MAJIN: variants seen among roughly 807,000 people sequenced by gnomAD.
The protein encoded by MAJIN is membrane-anchored junction protein.
A neutral mutation model predicts 30.2 loss-of-function variants in MAJIN; 27 were observed. That is an observed-to-expected ratio of 0.89 (90% CI 0.66 to 1.23). The LOEUF is 1.23. Among genes scored for constraint, MAJIN ranks in the 50% most tolerant of loss-of-function variants. The pLI is 0.00. For missense variants in MAJIN, 253 were observed against 260.3 expected, an observed-to-expected ratio of 0.97 and a Z score of 0.19; for synonymous variants, 78 against 91.6, an observed-to-expected ratio of 0.85 and a Z score of 0.85.
Position 64,939,687 on chromosome 11 carries a change from C to T in MAJIN, c.627G>A (p.Gln209=). The T allele has an allele frequency of 2.7e-5, 43 of 1,614,056 alleles. No homozygotes were observed. The highest frequency in any genetic ancestry group is 3.6e-5 in the Non-Finnish European group (43 of 1,179,954). ...STTHLHLRSE[Q]PPASLGF ...CTTAGAAACCCAAAGAAGCCGGTGG[C>T]TGCTCGCTCCTTAGGTGGAGGTGAG... is the stretch of plus-strand genomic sequence containing the variant. Residue 209 remains glutamine, a synonymous_variant, in exon 10 of 11, where the codon CAG becomes CAA. Transcript: ENST00000301896.
intron 4 of MAJIN, among the ~76,000 whole-genome samples, chr11:64,952,303 T>C (rs868640939): frequency 6.6e-6 from 1 of 152,066 alleles, no homozygotes; most frequent in South Asian, 2.1e-4. Context: ...TTCTCCTGCC[T>C]CAGCCTCCCA....
intron 1 of MAJIN, among the ~76,000 whole-genome samples, chr11:64,969,241 G>A (rs1024451554): frequency 2.6e-5 from 4 of 152,160 alleles, no homozygotes; most frequent in Non-Finnish European, 4.4e-5. Flanking sequence ...TGGATATACC[G>A]AGGAGGCAGT....
At chr11:64,952,565 G>A (rs577307778) in intron 4 of MAJIN, among the ~76,000 whole-genome samples, 14 of 152,166 alleles carry the variant, frequency 9.2e-5, no homozygotes, top group East Asian at 3.9e-4. Context: ...TTTTACAGAC[G>A]GGGAAACAGA....
intron 1 of MAJIN, among the ~76,000 whole-genome samples, chr11:64,964,824 G>A (rs1945782092): frequency 6.6e-6 from 1 of 152,096 alleles, no homozygotes; most frequent in South Asian, 2.1e-4. Flanking sequence ...GAGCTCAAGA[G>A]ATCCACCCAC....
intron 3 of MAJIN, among the ~76,000 whole-genome samples, chr11:64,956,929 G>A (rs574996325): frequency 8.6e-5 from 13 of 151,924 alleles, no homozygotes; most frequent in African/African-American, 2.2e-4. Flanking sequence ...ATCACGCCTC[G>A]CTAATTTTTA....
At chr11:64,961,242 A>G (rs1945717809) in intron 1 of MAJIN, among the ~76,000 whole-genome samples, 1 of 149,854 alleles carries the variant, frequency 6.7e-6, no homozygotes, top group Non-Finnish European at 1.5e-5. Context: ...ATCTCGGCTC[A>G]CTGCAACTTC....
At chr11:64,938,605 T>A in intron 10 of MAJIN, 32 bp from the exon 11 acceptor site, 1 of 1,529,750 alleles carries the variant, frequency 6.5e-7, no homozygotes, top group East Asian at 2.4e-5. Context: ...AGGCTGAGAC[T>A]CTATGAGGTC....
At chr11:64,942,956 C>G (rs1186709191) in intron 8 of MAJIN, among the ~76,000 whole-genome samples, 1 of 152,130 alleles carries the variant, frequency 6.6e-6, no homozygotes, top group African/African-American at 2.4e-5. Context: ...TACAGCCTAC[C>G]GCTGAACCAG....
intron 1 of MAJIN, among the ~76,000 whole-genome samples, chr11:64,963,613 G>GGATC (rs1386316568): frequency 6.6e-6 from 1 of 152,146 alleles, no homozygotes; most frequent in Non-Finnish European, 1.5e-5. Flanking sequence ...TGCAGCAGGT[G>GGATC]GATCACCTGA....
At chr11:64,961,791 CTTTTT>C (rs796661807) in intron 1 of MAJIN, among the ~76,000 whole-genome samples, 1 of 132,056 alleles carries the variant, frequency 7.6e-6, no homozygotes, top group African/African-American at 2.8e-5. Context: ...TTTTTCTTTT[CTTTTT>C]TTTTTTTTAA....
intron 2 of MAJIN, 143 bp from the exon 3 acceptor site, chr11:64,959,565 C>T (rs1357940245): frequency 1.3e-5 from 8 of 624,154 alleles, no homozygotes; most frequent in Non-Finnish European, 2.2e-5. Flanking sequence ...AGGATCATCA[C>T]TTGGAACATT....
At chr11:64,967,303 G>A (rs1471036674) in intron 1 of MAJIN, among the ~76,000 whole-genome samples, 3 of 152,050 alleles carry the variant, frequency 2.0e-5, no homozygotes, top group African/African-American at 7.2e-5. Context: ...CTACTCTGGA[G>A]GCTGAGGCAG....
rs563384584 is a variant in MAJIN at position 64,956,277 on chromosome 11, C to A, written c.102-1475G>T. Among the ~76,000 whole-genome samples, 23 of 151,544 alleles carry A rather than the reference C, an allele frequency of 1.5e-4. No homozygotes were observed. The South Asian group carries it at 4.4e-3, about 29-fold the overall frequency. ...TTGCACCATTGCACTCCAGCCCGGG[C>A]AACAAGAATGAAACTCCATCTCAAA... On this transcript the variant is annotated intron_variant, in intron 3 of 10. Transcript: ENST00000301896.
intron 8 of MAJIN, among the ~76,000 whole-genome samples, chr11:64,944,210 T>C (rs997112356): frequency 6.6e-6 from 1 of 152,368 alleles, no homozygotes; most frequent in South Asian, 2.1e-4. Context: ...ATTCCTGTGA[T>C]CTTGAAGGTA....
At position 64,947,952 on chromosome 11, in the gene MAJIN, T is replaced by TCC. The variant is rs746864138; in HGVS notation, c.350-134_350-133insGG. 399 of 771,754 alleles carry TCC rather than the reference T, an allele frequency of 5.2e-4. 1 individual carries two copies. Among genetic ancestry groups the TCC allele is most frequent in the Non-Finnish European group, 8.0e-4 (375 of 467,998 alleles). 47.8% of individuals were successfully genotyped at this position (771,754 alleles called of 1,614,324 possible). A position where few individuals can be genotyped will look rare whatever the true frequency, so the allele number is the denominator to read the frequency against. ...TCGGCTCACTGCAACCTCCGCCTCT[T>TCC]GAGTTCAAGCGATTCTCCTCCCTCA... On this transcript the variant is annotated intron_variant, in intron 6 of 10. Transcript: ENST00000301896.
intron 8 of MAJIN, 72 bp from the exon 9 acceptor site, chr11:64,940,718 C>T: frequency 7.3e-7 from 1 of 1,379,086 alleles, no homozygotes; most frequent in Non-Finnish European, 1.0e-6. Context: ...ATGCTATTTG[C>T]TGGTGAACTG....
At chr11:64,952,023 G>A (rs999171833) in intron 4 of MAJIN, among the ~76,000 whole-genome samples, 2 of 151,964 alleles carry the variant, frequency 1.3e-5, no homozygotes, top group East Asian at 1.9e-4. Flanking sequence ...AAGTAGCTAG[G>A]ATTATAGGCA....
chr11:64,948,019 C>G (rs1304275304), intron 6 of MAJIN, among the ~76,000 whole-genome samples, 200 bp from the exon 7 acceptor site: 1 of 151,412 alleles, frequency 6.6e-6, no homozygotes, highest in East Asian at 2.0e-4. Context: ...GCCACCACAC[C>G]TGGCTAATTT....
chr11:64,948,640 T>TATATATATATATTA (rs869204077), intron 6 of MAJIN, among the ~76,000 whole-genome samples: 1 of 7,548 alleles, frequency 1.3e-4, no homozygotes, highest in African/African-American at 4.7e-4. Context: ...TATATATATA[T>TATATATATATATTA]TTTTTTTTTT....
Sources: gnomAD v4.1 joint callset for allele counts (sites outside exome capture counted in the v4.1 genomes callset) on GRCh38, gnomAD v4.1.1 for gene constraint, MANE v1.5 for transcripts, NCBI Gene and HGNC (gene_info 2026-07-23, HGNC 2026-07-21) for gene names.